ADAMTSL1: variants seen among roughly 807,000 people sequenced by gnomAD.
ADAMTSL1 encodes the protein ADAMTS-like protein 1.
A neutral mutation model predicts 201.8 loss-of-function variants in ADAMTSL1; 126 were observed. That is an observed-to-expected ratio of 0.62 (90% CI 0.54 to 0.72). ADAMTSL1 has a LOEUF of 0.72. ADAMTSL1 is among the 30% of genes least tolerant of loss of function. ADAMTSL1 has a pLI of 0.00. For missense variants in ADAMTSL1, 2,679 were observed against 2,277.8 expected (o/e 1.18, Z -3.59); for synonymous variants, 1,121 against 903.4 (o/e 1.24, Z -4.32).
At chr9:17,930,449 C>G (rs1287900677) in intron 1 of ADAMTSL1, among the ~76,000 whole-genome samples, 1 of 152,082 alleles carries the variant, frequency 6.6e-6, no homozygotes, top group Non-Finnish European at 1.5e-5. Context: ...TCCATTCCCT[C>G]TTGTCCCTCC....
intron 26 of ADAMTSL1, among the ~76,000 whole-genome samples, chr9:18,902,819 T>C (rs1830085337): frequency 6.6e-6 from 1 of 152,106 alleles, no homozygotes. Context: ...ATAGACAAAC[T>C]TTTAGCTACA....
intron 2 of ADAMTSL1, among the ~76,000 whole-genome samples, chr9:18,462,552 G>C (rs1387481931): frequency 1.3e-5 from 2 of 152,136 alleles, no homozygotes; most frequent in Non-Finnish European, 2.9e-5. Context: ...TGACAGAAAA[G>C]TCCAATTCAG....
intron 15 of ADAMTSL1, among the ~76,000 whole-genome samples, chr9:18,722,523 G>A (rs1362246655): frequency 1.3e-5 from 2 of 152,198 alleles, no homozygotes; most frequent in Admixed American, 1.3e-4. Flanking sequence ...ATTGCTGTCA[G>A]GCATTAACAA....
chr9:18,231,729 G>A (rs559366854), intron 2 of ADAMTSL1, among the ~76,000 whole-genome samples: 7 of 152,254 alleles, frequency 4.6e-5, no homozygotes, highest in South Asian at 4.1e-4. Context: ...TCCAACTTAC[G>A]TGAGATAAAC....
chr9:18,324,381 G>T (rs950935153), intron 2 of ADAMTSL1, among the ~76,000 whole-genome samples: 1 of 150,206 alleles, frequency 6.7e-6, no homozygotes, highest in African/African-American at 2.4e-5. Flanking sequence ...AGAAAATCTT[G>T]AGTATCATTG....
At chr9:18,366,196 T>C (rs147396438) in intron 2 of ADAMTSL1, among the ~76,000 whole-genome samples, 1,625 of 152,212 alleles carry the variant, frequency 0.011, 19 homozygotes, top group South Asian at 0.017. Context: ...GTTCAATTTA[T>C]ATGGGTTTAT....
At chr9:18,759,077 G>T (rs1245157452) in intron 16 of ADAMTSL1, among the ~76,000 whole-genome samples, 1 of 152,146 alleles carries the variant, frequency 6.6e-6, no homozygotes, top group East Asian at 1.9e-4. Context: ...TCTCTATATT[G>T]CATATGTTTT....
chr9:17,941,397 G>A lies in ADAMTSL1; in HGVS notation c.87+34475G>A, dbSNP rs148931080. Among the ~76,000 whole-genome samples, 1,126 of 152,204 alleles carry A rather than the reference G, an allele frequency of 7.4e-3. 16 individuals are homozygous for A. Among genetic ancestry groups the A allele is most frequent in the African/African-American group, 0.026 (1,080 of 41,546 alleles). On this transcript the variant is annotated intron_variant, in intron 1 of 29. Coordinates refer to the ADAMTSL1 transcript ENST00000680146. ...CCAGTGTTACCTAAAAAGGCTTTGA[G>A]CATTGATCTGGTTTTTGGATACGTG... is the stretch of plus-strand genomic sequence containing the variant.
At chr9:18,682,921 G>A (rs34816420) in intron 12 of ADAMTSL1, among the ~76,000 whole-genome samples, 39,678 of 152,030 alleles carry the variant, frequency 0.26, 6,437 homozygotes, top group Non-Finnish European at 0.37. Flanking sequence ...CTGTAAAATG[G>A]GTGTAATAAT....
chr9:17,947,736 G>T (rs557670635), intron 1 of ADAMTSL1, among the ~76,000 whole-genome samples: 2 of 152,240 alleles, frequency 1.3e-5, no homozygotes, highest in South Asian at 4.1e-4. Context: ...TTGCAAATCT[G>T]TGCTAATAAG....
chr9:18,632,602 G>A (rs1236041402), intron 5 of ADAMTSL1, among the ~76,000 whole-genome samples: 4 of 152,116 alleles, frequency 2.6e-5, no homozygotes, highest in African/African-American at 9.7e-5. Flanking sequence ...ATCTCGTGGG[G>A]CTAGTGCTTT....
intron 17 of ADAMTSL1, among the ~76,000 whole-genome samples, chr9:18,774,483 C>T (rs1426378928): frequency 6.6e-6 from 1 of 152,000 alleles, no homozygotes; most frequent in African/African-American, 2.4e-5. Context: ...TGCACCCACC[C>T]AGACTCCAAT....
intron 14 of ADAMTSL1, among the ~76,000 whole-genome samples, chr9:18,713,359 C>T (rs1051751713): frequency 2.0e-5 from 3 of 152,162 alleles, no homozygotes; most frequent in Admixed American, 6.5e-5. Flanking sequence ...AAACCCATCT[C>T]ACGTGCAGAG....
chr9:18,059,950 T>C (rs899059895), intron 1 of ADAMTSL1, among the ~76,000 whole-genome samples: 2 of 152,124 alleles, frequency 1.3e-5, no homozygotes, highest in Non-Finnish European at 2.9e-5. Flanking sequence ...TTCAATTTTA[T>C]TTGTACTTGA....
At chr9:18,695,735 A>C (rs565272463) in intron 13 of ADAMTSL1, among the ~76,000 whole-genome samples, 1 of 151,926 alleles carries the variant, frequency 6.6e-6, no homozygotes, top group African/African-American at 2.4e-5. Flanking sequence ...AACTCTTCCA[A>C]CCTCTGCCAG....
intron 9 of ADAMTSL1, among the ~76,000 whole-genome samples, chr9:18,665,251 C>A (rs1829359742): frequency 6.6e-6 from 1 of 152,064 alleles, no homozygotes; most frequent in African/African-American, 2.4e-5. Context: ...CCCTGATATC[C>A]ACTTTTTGTG....
At chr9:17,952,432 A>G (rs573971012) in intron 1 of ADAMTSL1, among the ~76,000 whole-genome samples, 2 of 152,162 alleles carry the variant, frequency 1.3e-5, no homozygotes, top group South Asian at 4.1e-4. Context: ...AAATTTAGTT[A>G]TTCCAAGACA....
chr9:18,028,634 A>T (rs1820800092), intron 1 of ADAMTSL1, among the ~76,000 whole-genome samples: 1 of 152,100 alleles, frequency 6.6e-6, no homozygotes, highest in Admixed American at 6.6e-5. Context: ...CTGTTTTGGT[A>T]CCAGTACCAT....
intron 1 of ADAMTSL1, among the ~76,000 whole-genome samples, chr9:18,078,643 T>C (rs1823334686): frequency 1.3e-5 from 2 of 152,092 alleles, no homozygotes; most frequent in South Asian, 2.1e-4. Flanking sequence ...TTTTTGTGGT[T>C]TTTTCTAGAC....
Sources: gnomAD v4.1 joint callset for allele counts (sites outside exome capture counted in the v4.1 genomes callset) on GRCh38, gnomAD v4.1.1 for gene constraint, MANE v1.5 for transcripts, NCBI Gene and HGNC (gene_info 2026-07-23, HGNC 2026-07-21) for gene names.